Variants in FSD2 observed in about 807,000 individuals in gnomAD.
FSD2 encodes fibronectin type III and SPRY domain containing 2, also known as fibronectin type III and SPRY domain-containing protein 2.
In FSD2, 71 loss-of-function variants were observed where a neutral mutation model predicts 80.4. The ratio of observed to expected loss-of-function variants is 0.88; its 90% CI spans 0.73 to 1.08. The LOEUF (loss-of-function observed/expected upper bound fraction) is 1.08. FSD2 is among the 50% of genes least tolerant of loss of function. The probability of loss-of-function intolerance (pLI) is 0.00; values close to 1 mark genes in which losing one functional copy is unlikely to be tolerated. For synonymous variants in FSD2, 361 were observed against 329.5 expected, an observed-to-expected ratio of 1.10 and a Z score of -1.03; for missense variants, 923 against 913.8, an observed-to-expected ratio of 1.01 and a Z score of -0.13.
Position 82,765,094 on chromosome 15 carries a change from C to T in FSD2, c.1820+72G>A, listed in dbSNP as rs556201641. ...CTCGAGGCTGCCTCCGTGCCATATT[C>T]GGATTTGACCTGAATAACAGTGCAC... On this transcript the variant is annotated intron_variant, in intron 11 of 12. Coordinates refer to ENST00000334574, the MANE Select transcript of FSD2 (RefSeq NM_001007122.4). 1.2e-5 allele frequency: 18 copies of T among 1,479,936 alleles called. No individual in the cohort carries two copies. The South Asian group carries it at 2.0e-4, about 17-fold the overall frequency. 91.7% of individuals were successfully genotyped at this position (1,479,936 alleles called of 1,614,324 possible).
intron 6 of FSD2, among the ~76,000 whole-genome samples, chr15:82,778,392 A>T (rs1596243912): frequency 6.6e-6 from 1 of 152,160 alleles, no homozygotes; most frequent in East Asian, 1.9e-4. Flanking sequence ...CTGTGACAAC[A>T]TGGATGAATC....
At position 82,762,278 on chromosome 15, in the gene FSD2, C is replaced by G; in HGVS notation, c.1821G>C (p.Arg607Ser). The change falls in exon 12 of 13, where the codon AGG (arginine) becomes AGC (serine). Residue 607 changes from arginine to serine, a missense_variant and splice_region_variant. Coordinates refer to ENST00000334574, the MANE Select transcript of FSD2 (RefSeq NM_001007122.4). ...ELSPSDTHFT[R>S]CVAVMGNLIP... is the part of the protein sequence containing the mutation. ...TTAGATTTCCCATGACAGCAACACACCTGGTTTTAGAAAGTGGAAGCATGT... is the reference window on the plus strand; with the variant it reads ...TTAGATTTCCCATGACAGCAACACAGCTGGTTTTAGAAAGTGGAAGCATGT... 1 of 1,613,202 alleles carries G rather than the reference C, an allele frequency of 6.2e-7. No homozygotes were observed. The highest frequency in any genetic ancestry group is 1.7e-4 in the Middle Eastern group (1 of 6,058).
chr15:82,774,166 G>C (rs2049657266), intron 6 of FSD2, among the ~76,000 whole-genome samples: 1 of 152,068 alleles, frequency 6.6e-6, no homozygotes, highest in South Asian at 2.1e-4. Flanking sequence ...CCTTACTCTT[G>C]GGCTCAAGCA....
chr15:82,764,492 C>CTTGTTTTTTTTTTTTTTTTTT (rs2049362445), intron 11 of FSD2, among the ~76,000 whole-genome samples: 1 of 86,138 alleles, frequency 1.2e-5, no homozygotes, highest in Non-Finnish European at 2.2e-5. Flanking sequence ...TCTTTACTTG[C>CTTGTTTTTTTTTTTTTTTTTT]TTTTTTTTTT....
Position 82,768,883 on chromosome 15 carries a change from G to A in FSD2, c.1550C>T (p.Thr517Ile). Residue 517 changes from threonine to isoleucine, a missense_variant, in exon 9 of 13, where the codon ACT (threonine) becomes ATT (isoleucine). By Grantham distance (89) the Thr-to-Ile change is moderately conservative. Coordinates refer to ENST00000334574, the MANE Select transcript of FSD2 (RefSeq NM_001007122.4). ...AGCAAATGCCCTCATGACTCACTCA[G>A]TTACACCCGAGGCTTCTGGACTTTC... ...QAESPEASGV[T>I]ESVVGIPTCE... 1.3e-6 allele frequency: 2 copies of A among 1,542,070 alleles called. No homozygotes were observed. Among genetic ancestry groups the A allele is most frequent in the South Asian group, 2.7e-5 (2 of 75,340 alleles).
intron 11 of FSD2, among the ~76,000 whole-genome samples, chr15:82,762,939 C>G (rs200738502): frequency 6.6e-6 from 1 of 152,218 alleles, no homozygotes; most frequent in Non-Finnish European, 1.5e-5. Context: ...TCAGGAGACT[C>G]CTACATTAAC....
rs74028555 is a variant in FSD2 at position 82,762,238 on chromosome 15, G to A, written c.1861C>T (p.His621Tyr). 893 of 1,613,894 alleles carry A rather than the reference G, an allele frequency of 5.5e-4. 5 individuals are homozygous for A. The African/African-American group carries it at 0.011, about 20-fold the overall frequency. The change falls in exon 12 of 13, where the codon CAC becomes TAC. Residue 621 changes from histidine to tyrosine, a missense_variant. Coordinates refer to ENST00000334574, the MANE Select transcript of FSD2 (RefSeq NM_001007122.4). ...VMGNLIPVRGHHYWEVEVDEH... is the reference protein window; with the variant it reads ...VMGNLIPVRGYHYWEVEVDEH... ...TCCACCTCCACCTCCCAGTAATGGT[G>A]CCCTCGGACTGGAATTAGATTTCCC...
intron 5 of FSD2, 64 bp downstream of exon 5, chr15:82,780,181 C>G: frequency 2.6e-6 from 3 of 1,134,112 alleles, no homozygotes; most frequent in Non-Finnish European, 3.8e-6. Flanking sequence ...GGAACTGAGT[C>G]TATTTGGATA....
At position 82,765,409 on chromosome 15, in the gene FSD2, C is replaced by T. The variant is rs1018374416; in HGVS notation, c.1688-111G>A. 6.4e-6 allele frequency: 9 copies of T among 1,415,268 alleles called. No homozygotes were observed. The African/African-American group carries it at 1.2e-4, about 18-fold the overall frequency. 87.7% of individuals were successfully genotyped at this position (1,415,268 alleles called of 1,614,324 possible). A position where few individuals can be genotyped will look rare whatever the true frequency, so the allele number is the denominator to read the frequency against. On this transcript the variant is annotated intron_variant, in intron 10 of 12. Coordinates refer to ENST00000334574, the MANE Select transcript of FSD2 (RefSeq NM_001007122.4). Reference sequence around the variant, plus strand: ...GGGATACACCTAAGCCTGGACCTGGCCTAGTAATAGGCGTCCAGTTAACAA... The same window carrying T: ...GGGATACACCTAAGCCTGGACCTGGTCTAGTAATAGGCGTCCAGTTAACAA...
chr15:82,768,392 G>A (rs2049473414), intron 9 of FSD2, among the ~76,000 whole-genome samples: 1 of 152,170 alleles, frequency 6.6e-6, no homozygotes, highest in Non-Finnish European at 1.5e-5. Context: ...TATCCAAAGT[G>A]GATCCTCACC....
At chr15:82,798,713 G>A (rs2050336485) in intron 1 of FSD2, among the ~76,000 whole-genome samples, 1 of 152,100 alleles carries the variant, frequency 6.6e-6, no homozygotes, top group South Asian at 2.1e-4. Context: ...GTTGTACACA[G>A]AAAACAGAAG....
chr15:82,786,827 T>C lies in FSD2; in HGVS notation c.564A>G (p.Arg188=). ...GTTCATCAAAAACCTTCTGAAAAGC[T>C]CTTATTGGAGTCTTACAAGTGACAC... ...VFCVTCKTPI[R]AFQKVFDEHK... is the part of the protein sequence containing the mutation. Residue 188 remains arginine, a synonymous_variant, in exon 2 of 13, where the codon AGA becomes AGG. Transcript: ENST00000334574. 1 of 1,613,996 alleles carries C rather than the reference T, an allele frequency of 6.2e-7. No homozygotes were observed. Among genetic ancestry groups the C allele is most frequent in the South Asian group, 1.1e-5 (1 of 91,080 alleles).
At position 82,765,288 on chromosome 15, in the gene FSD2, A is replaced by C. The variant is rs377647056; in HGVS notation, c.1698T>G (p.Phe566Leu). The change falls in exon 11 of 13, where the codon TTT becomes TTG. Residue 566 changes from phenylalanine (F) to leucine (L), a missense_variant. Physicochemically the swap from Phe to Leu is conservative, Grantham distance 22 (BLOSUM62 0). Coordinates refer to ENST00000334574, the MANE Select transcript of FSD2 (RefSeq NM_001007122.4). ...GATGGCAAGTGTCCTTGTTTAGGCG[A>C]AAGTAGCTTCCTGTGGGAGGAGGAA... is the stretch of plus-strand genomic sequence containing the variant. ...PATVHTIGSY[F>L]RLNKDTCHPW... 2.3e-5 allele frequency: 37 copies of C among 1,613,184 alleles called. No individual in the cohort carries two copies. The Admixed American group carries it at 4.8e-4, about 21-fold the overall frequency.
At chr15:82,802,671 G>A (rs1299362631) in intron 1 of FSD2, among the ~76,000 whole-genome samples, 1 of 152,076 alleles carries the variant, frequency 6.6e-6, no homozygotes, top group African/African-American at 2.4e-5. Flanking sequence ...TTCTCTATGG[G>A]CCTCTTATCA....
intron 1 of FSD2, among the ~76,000 whole-genome samples, chr15:82,797,826 A>G (rs1472974109): frequency 6.6e-6 from 1 of 151,924 alleles, no homozygotes; most frequent in African/African-American, 2.4e-5. Flanking sequence ...AACAATAATA[A>G]TTATTATTAT....
intron 1 of FSD2, among the ~76,000 whole-genome samples, chr15:82,791,255 C>T (rs2050144804): frequency 2.0e-5 from 3 of 152,342 alleles, no homozygotes; most frequent in Admixed American, 2.0e-4. Flanking sequence ...GTCTCGGCCT[C>T]CCAAAGTGCT....
Position 82,759,429 on chromosome 15 carries a change from A to G in FSD2, c.2169T>C (p.His723=), listed in dbSNP as rs375842909. 2 of 1,613,808 alleles carry G rather than the reference A, an allele frequency of 1.2e-6. No individual in the cohort carries two copies. The highest frequency in any genetic ancestry group is 1.3e-5 in the African/African-American group (1 of 75,066). Residue 723 remains histidine, a synonymous_variant, in exon 13 of 13, where the codon CAT becomes CAC. Transcript: ENST00000334574. ...CAGGCTTTTCCAAAGAAAAACAGGG[A>G]TGCACAAATTCGTGAAGCTGACAAC... ...TFSCQLHEFV[H]PCFSLEKPGC...
chr15:82,759,688 C>A, intron 12 of FSD2, 88 bp from the exon 13 acceptor site: 1 of 1,177,228 alleles, frequency 8.5e-7, no homozygotes, highest in African/African-American at 1.6e-5. Context: ...TATTCATAGT[C>A]CTATGATTTT....
chr15:82,756,151 G>C lies in FSD2; in HGVS notation c.*3197C>G, dbSNP rs150443848. On this transcript the variant is annotated 3_prime_UTR_variant, in exon 13 of 13. Transcript: ENST00000334574. ...TGAGAAAACTGGAGAAAGACATAGT[G>C]AACATGTGAGAATCTTGCTCTACTA... 8.8e-4 allele frequency: 296 copies of C among 334,828 alleles called. 1 individual carries two copies. Among genetic ancestry groups the C allele is most frequent in the East Asian group, 3.1e-3 (48 of 15,432 alleles). The allele number at this position is 334,828 out of a possible 1,614,324, so 20.7% of individuals were successfully genotyped here.
Sources: allele counts gnomAD v4.1 joint callset (sites outside exome capture counted in the v4.1 genomes callset), GRCh38; gene constraint gnomAD v4.1.1; transcripts MANE v1.5; gene names NCBI Gene and HGNC (gene_info 2026-07-23, HGNC 2026-07-21).